Variants in MPP2 observed in about 807,000 individuals in gnomAD.
The protein encoded by MPP2 is MAGUK p55 scaffold protein 2, also known as MAGUK p55 subfamily member 2.
A neutral mutation model predicts 58.5 loss-of-function variants in MPP2; 42 were observed. The ratio of observed to expected loss-of-function variants is 0.72; its 90% CI spans 0.56 to 0.93. MPP2 has a LOEUF of 0.93. MPP2 is among the 40% of genes least tolerant of loss of function. The probability of loss-of-function intolerance (pLI) is 0.00; values close to 1 mark genes in which losing one functional copy is unlikely to be tolerated. For synonymous variants in MPP2, 300 were observed against 307.8 expected (o/e 0.97, Z 0.26); for missense variants, 632 against 760.4 (o/e 0.83, Z 1.99).
chr17:43,884,035 C>T (rs2047261872), intron 3 of MPP2: 1 of 688,986 alleles, frequency 1.5e-6, no homozygotes, highest in African/African-American at 1.8e-5. Context: ...GACCATTTTT[C>T]CCCTCTGAAT....
intron 3 of MPP2, among the ~76,000 whole-genome samples, chr17:43,897,497 A>C (rs533573614): frequency 7.3e-6 from 1 of 137,852 alleles, no homozygotes; most frequent in East Asian, 2.3e-4. Flanking sequence ...AAAACAAAAC[A>C]AAAAAAACCA....
At position 43,882,372 on chromosome 17, in the gene MPP2, C is replaced by A; in HGVS notation, c.593G>T (p.Arg198Leu). Residue 198 changes from arginine (R) to leucine (L), a missense_variant, in exon 6 of 13, where the codon CGC (arginine) becomes CTC (leucine). Transcript: ENST00000269095. ...ATTGCGCAGGAGCTCCTGCAGTGCG[C>A]GGGGGTCACTGCCCACTGGCTGCCC... is the stretch of plus-strand genomic sequence containing the variant. ...VNGQPVGSDP[R>L]ALQELLRNAS... 1 of 1,612,294 alleles carries A rather than the reference C, an allele frequency of 6.2e-7. No individual in the cohort carries two copies. Among genetic ancestry groups the A allele is most frequent in the Non-Finnish European group, 8.5e-7 (1 of 1,179,982 alleles).
chr17:43,880,950 G>T lies in MPP2; in HGVS notation c.989-98C>A. ...GGGCAAGAGGGCTTGGAACAGGGGA[G>T]CAGGGGGGAGTCGGGCAGGGCCTAG... On this transcript the variant is annotated intron_variant, in intron 9 of 12. Coordinates refer to ENST00000269095, the MANE Select transcript of MPP2 (RefSeq NM_005374.5). The surrounding 1 kb of genome is among the most constrained non-coding windows in gnomAD (Gnocchi z 5.2). 1 of 1,531,172 alleles carries T rather than the reference G, an allele frequency of 6.5e-7. No homozygotes were observed. Among genetic ancestry groups the T allele is most frequent in the Non-Finnish European group, 8.9e-7 (1 of 1,123,036 alleles). The allele number at this position is 1,531,172 out of a possible 1,614,324, so 94.8% of individuals were successfully genotyped here. A position where few individuals can be genotyped will look rare whatever the true frequency, so the allele number is the denominator to read the frequency against.
chr17:43,907,662 C>T (rs1461946731), upstream of MPP2: 2 of 985,528 alleles, frequency 2.0e-6, no homozygotes, highest in Non-Finnish European at 2.4e-6. Flanking sequence ...TAGTCTTTCC[C>T]AGCAGCTGGT....
intron 3 of MPP2, among the ~76,000 whole-genome samples, chr17:43,886,082 T>G (rs1191974051): frequency 6.6e-6 from 1 of 151,018 alleles, no homozygotes; most frequent in Non-Finnish European, 1.5e-5. Flanking sequence ...CCCTCCAGCC[T>G]GGGCAACAGA....
At position 43,877,183 on chromosome 17, in the gene MPP2, G is replaced by A. The variant is rs1250408161; in HGVS notation, c.*624C>T. On this transcript the variant is annotated 3_prime_UTR_variant, in exon 13 of 13. Coordinates refer to ENST00000269095, the MANE Select transcript of MPP2 (RefSeq NM_005374.5). Reference sequence around the variant, plus strand: ...CGAGCAGCATCTGCCCTGCGACCCTGTCCCTTTCCAAAGGAGCTGGGAGCT... The same window carrying A: ...CGAGCAGCATCTGCCCTGCGACCCTATCCCTTTCCAAAGGAGCTGGGAGCT... 4 of 152,894 alleles carry A rather than the reference G, an allele frequency of 2.6e-5. No homozygotes were observed. Among genetic ancestry groups the A allele is most frequent in the South Asian group, 4.1e-4 (2 of 4,840 alleles). The allele number at this position is 152,894 out of a possible 1,614,324, so 9.5% of individuals were successfully genotyped here.
intron 1 of MPP2, chr17:43,906,248 A>G (rs231479): frequency 0.85 from 490,562 of 575,528 alleles, 209,588 homozygotes; most frequent in East Asian, 1. Flanking sequence ...CTCCCGGGGA[A>G]TCGGTTCCCA....
chr17:43,879,656 G>C lies in MPP2; in HGVS notation c.1353+126C>G. Reference sequence around the variant, plus strand: ...AGGTTCCAGGTGGGCTGGGTTTCTAGCAGTAGTTGAGGGCAAAGGGGGTAC... The same window carrying C: ...AGGTTCCAGGTGGGCTGGGTTTCTACCAGTAGTTGAGGGCAAAGGGGGTAC... On this transcript the variant is annotated intron_variant, in intron 11 of 12. Coordinates refer to ENST00000269095, the MANE Select transcript of MPP2 (RefSeq NM_005374.5). This position sits in a 1 kb window ranked among gnomAD's most constrained non-coding sequence, Gnocchi z 4.1. 8.5e-7 allele frequency: 1 copy of C among 1,174,982 alleles called. No individual in the cohort carries two copies. The highest frequency in any genetic ancestry group is 1.4e-5 in the South Asian group (1 of 69,574). The allele number at this position is 1,174,982 out of a possible 1,614,324, so 72.8% of individuals were successfully genotyped here.
At chr17:43,894,418 AAT>A (rs1382579250) in intron 3 of MPP2, among the ~76,000 whole-genome samples, 6 of 77,396 alleles carry the variant, frequency 7.8e-5, no homozygotes, top group Admixed American at 3.5e-4. Context: ...TCCATCTCAA[AAT>A]ATATATATAT....
rs144854503 is a variant in MPP2 at position 43,889,898 on chromosome 17, C to T, written c.151-6543G>A. The stretch of plus-strand genomic sequence containing the variant: ...CGCAATCTCGGCTCACTGCAACCTC[C>T]GTCTCCCGGGTTCACACCATTCTCC... On this transcript the variant is annotated intron_variant, in intron 3 of 12. Transcript: ENST00000269095. Among the ~76,000 whole-genome samples, 1,480 of 149,688 alleles carry T rather than the reference C, an allele frequency of 9.9e-3. 26 individuals are homozygous for T. The highest frequency in any genetic ancestry group is 0.035 in the African/African-American group (1,409 of 40,018).
intron 3 of MPP2, among the ~76,000 whole-genome samples, chr17:43,886,420 T>G (rs1465088849): frequency 6.6e-6 from 1 of 152,080 alleles, no homozygotes; most frequent in Non-Finnish European, 1.5e-5. Flanking sequence ...CATCTTATTA[T>G]TTTAATTACT....
chr17:43,905,654 G>C (rs2048260246), intron 1 of MPP2: 1 of 152,368 alleles, frequency 6.6e-6, no homozygotes, highest in Non-Finnish European at 1.5e-5. Flanking sequence ...AGCAGGGGTG[G>C]GGAGTGGGGG....
chr17:43,905,480 A>G (rs2048253007), intron 1 of MPP2: 1 of 152,340 alleles, frequency 6.6e-6, no homozygotes, highest in African/African-American at 2.4e-5. Flanking sequence ...CTACAGCCCC[A>G]GTTTCCATTC....
chr17:43,897,480 TCAAAA>T (rs992163625), intron 3 of MPP2, among the ~76,000 whole-genome samples: 10 of 150,824 alleles, frequency 6.6e-5, no homozygotes, highest in African/African-American at 2.0e-4. Context: ...AAACTCCTTC[TCAAAA>T]CAAAACAAAA....
chr17:43,882,768 G>A, intron 5 of MPP2, 135 bp downstream of exon 5: 1 of 1,332,114 alleles, frequency 7.5e-7, no homozygotes, highest in Non-Finnish European at 1.0e-6. Context: ...ACCCTTTGCT[G>A]CATCAATCCT....
chr17:43,906,299 T>A, intron 1 of MPP2: 2 of 224,592 alleles, frequency 8.9e-6, no homozygotes, highest in Non-Finnish European at 1.5e-5. Context: ...CGTCCAAGCC[T>A]CTGAGAGGGC....
upstream of MPP2, chr17:43,908,082 G>T (rs559380976): frequency 1.7e-6 from 1 of 585,802 alleles, no homozygotes; most frequent in Non-Finnish European, 2.2e-6. Context: ...AAGAGGAAAT[G>T]TCTTCCTGAA....
At chr17:43,897,327 C>T (rs1252259155) in intron 3 of MPP2, among the ~76,000 whole-genome samples, 1 of 152,036 alleles carries the variant, frequency 6.6e-6, no homozygotes, top group East Asian at 1.9e-4. Context: ...ACTAAAACTA[C>T]AAAATTAGCT....
intron 7 of MPP2, 42 bp downstream of exon 7, chr17:43,881,416 A>G: frequency 6.2e-7 from 1 of 1,613,904 alleles, no homozygotes; most frequent in Non-Finnish European, 8.5e-7. Flanking sequence ...TCGCCCTCCC[A>G]TGCACCATAC....
Sources: allele counts gnomAD v4.1 joint callset (sites outside exome capture counted in the v4.1 genomes callset), GRCh38; gene constraint gnomAD v4.1.1; non-coding constraint Gnocchi (gnomAD v3.1); transcripts MANE v1.5; gene names NCBI Gene and HGNC (gene_info 2026-07-23, HGNC 2026-07-21).